Variants in TBC1D14 observed in about 807,000 individuals in gnomAD.
TBC1D14 encodes the protein TBC1 domain family member 14, also known as TBC1 domain family, member 14.
Under a neutral mutation model 79.0 loss-of-function variants are expected in TBC1D14, and 26 were observed. The observed-to-expected ratio is 0.33, with a 90% CI of 0.24 to 0.46. The LOEUF (loss-of-function observed/expected upper bound fraction) is 0.46. TBC1D14 is among the 20% of genes least tolerant of loss of function. The pLI is 1.00. For missense variants in TBC1D14, 769 were observed against 887.6 expected (o/e 0.87, Z 1.70); for synonymous variants, 394 against 349.9 (o/e 1.13, Z -1.40).
intron 2 of TBC1D14, among the ~76,000 whole-genome samples, chr4:6,949,573 C>T (rs1440419413): frequency 6.6e-6 from 1 of 151,400 alleles, no homozygotes; most frequent in Non-Finnish European, 1.5e-5. Context: ...ATCCCAGCTA[C>T]TTGGGAGACT....
intron 2 of TBC1D14, among the ~76,000 whole-genome samples, chr4:6,949,423 C>T (rs1251086348): frequency 6.6e-6 from 1 of 152,198 alleles, no homozygotes; most frequent in African/African-American, 2.4e-5. Flanking sequence ...TGGCTCACGC[C>T]TATAATCCCA....
intron 2 of TBC1D14, among the ~76,000 whole-genome samples, chr4:6,964,837 A>G (rs1715559169): frequency 6.6e-6 from 1 of 152,210 alleles, no homozygotes; most frequent in Non-Finnish European, 1.5e-5. Flanking sequence ...TAAAATTTCA[A>G]ATTTACTAAA....
chr4:6,984,105 C>G (rs1410852529), intron 3 of TBC1D14, among the ~76,000 whole-genome samples: 4 of 146,948 alleles, frequency 2.7e-5, no homozygotes, highest in African/African-American at 9.9e-5. Context: ...GGGTCTCAGG[C>G]CTGTGAACAT....
At chr4:7,000,997 G>A in intron 6 of TBC1D14, 148 bp from the exon 7 acceptor site, 1 of 645,894 alleles carries the variant, frequency 1.5e-6, no homozygotes, top group East Asian at 2.8e-5. Flanking sequence ...GATCTTTACA[G>A]AGCCCTGGAC....
At position 7,014,459 on chromosome 4, in the gene TBC1D14, T is replaced by C. The variant is rs1721088711; in HGVS notation, c.1659T>C (p.Tyr553=). 1.9e-6 allele frequency: 3 copies of C among 1,612,764 alleles called. No homozygotes were observed. Among genetic ancestry groups the C allele is most frequent in the South Asian group, 1.1e-5 (1 of 90,998 alleles). ...FRVDHGLMLT[Y]FAAFEVFFEE... is the part of the protein sequence containing the mutation. ...TATTATCTCCCTAGATGTTGACTTA[T>C]TTTGCTGCATTTGAAGTATTCTTTG... Residue 553 remains tyrosine (Y), a synonymous_variant, in exon 12 of 14, where the codon TAT becomes TAC. Coordinates refer to ENST00000409757, the MANE Select transcript of TBC1D14 (RefSeq NM_020773.3).
intron 2 of TBC1D14, among the ~76,000 whole-genome samples, chr4:6,936,189 G>A (rs1712310199): frequency 6.6e-6 from 1 of 152,130 alleles, no homozygotes; most frequent in Non-Finnish European, 1.5e-5. Context: ...TCTACATCAG[G>A]GGCCACCCTG....
chr4:6,969,469 G>C (rs1043913168), intron 3 of TBC1D14, among the ~76,000 whole-genome samples: 2 of 151,898 alleles, frequency 1.3e-5, no homozygotes, highest in African/African-American at 4.8e-5. Context: ...GCAGTGGTGC[G>C]ATCTTGGCTC....
chr4:6,920,988 C>T (rs1445773213), intron 1 of TBC1D14, among the ~76,000 whole-genome samples: 1 of 152,218 alleles, frequency 6.6e-6, no homozygotes, highest in African/African-American at 2.4e-5. Context: ...CCATGTTGGC[C>T]AGGCTGGTCT....
chr4:6,934,522 G>A (rs944437213), intron 2 of TBC1D14, among the ~76,000 whole-genome samples: 7 of 152,092 alleles, frequency 4.6e-5, no homozygotes, highest in Non-Finnish European at 8.8e-5. Context: ...ATCTGGTGTG[G>A]TGGCGGGTGC....
intron 3 of TBC1D14, among the ~76,000 whole-genome samples, chr4:6,970,145 C>G (rs1164305174): frequency 1.3e-5 from 2 of 152,170 alleles, no homozygotes; most frequent in Non-Finnish European, 2.9e-5. Context: ...AGGGCCGAAG[C>G]CTAGAGAAAG....
intron 2 of TBC1D14, among the ~76,000 whole-genome samples, chr4:6,946,886 C>CT (rs945817528): frequency 6.6e-5 from 10 of 152,316 alleles, no homozygotes; most frequent in African/African-American, 2.4e-4. Flanking sequence ...CATTCCTTCC[C>CT]TGAAATGCAA....
chr4:7,016,602 G>C (rs980031093), intron 12 of TBC1D14, among the ~76,000 whole-genome samples: 4 of 152,196 alleles, frequency 2.6e-5, no homozygotes, highest in African/African-American at 9.7e-5. Context: ...CTTGCAAAAG[G>C]AAATGTGTTT....
intron 9 of TBC1D14, 65 bp from the exon 10 acceptor site, chr4:7,009,812 A>G: frequency 6.6e-7 from 1 of 1,504,060 alleles, no homozygotes; most frequent in Non-Finnish European, 9.3e-7. Context: ...TAGTAGTATC[A>G]GATGTTCGTC....
intron 1 of TBC1D14, among the ~76,000 whole-genome samples, chr4:6,913,310 A>T (rs539033443): frequency 1.1e-4 from 16 of 152,312 alleles, no homozygotes; most frequent in Middle Eastern, 3.4e-3. Flanking sequence ...TATTTTTAAA[A>T]CTTCATTTGC....
intron 6 of TBC1D14, 83 bp downstream of exon 6, chr4:6,999,285 A>G (rs544797336): frequency 8.2e-7 from 1 of 1,213,816 alleles, no homozygotes; most frequent in Non-Finnish European, 1.2e-6. Flanking sequence ...CGTCATAGCC[A>G]GCAGTGACAC....
chr4:6,984,341 T>C (rs1239735931), intron 3 of TBC1D14, among the ~76,000 whole-genome samples: 1 of 152,118 alleles, frequency 6.6e-6, no homozygotes, highest in African/African-American at 2.4e-5. Context: ...TGGCATCCCA[T>C]GGGAGCTTCG....
chr4:7,005,425 C>G (rs1720084120), intron 8 of TBC1D14, among the ~76,000 whole-genome samples: 2 of 152,300 alleles, frequency 1.3e-5, no homozygotes, highest in Admixed American at 6.5e-5. Flanking sequence ...ATCCTAGCTA[C>G]TCGGGAGGCC....
chr4:6,930,536 G>T (rs1325087549), intron 2 of TBC1D14, among the ~76,000 whole-genome samples: 5 of 152,220 alleles, frequency 3.3e-5, no homozygotes, highest in African/African-American at 1.2e-4. Flanking sequence ...AGTGGCTCAC[G>T]CCTGTAATCC....
chr4:6,998,332 C>T (rs1019104263), intron 5 of TBC1D14, among the ~76,000 whole-genome samples: 2 of 151,184 alleles, frequency 1.3e-5, no homozygotes, highest in African/African-American at 4.9e-5. Context: ...TGCACCCCAC[C>T]CTGGGTGACA....
Sources: allele counts gnomAD v4.1 joint callset (sites outside exome capture counted in the v4.1 genomes callset), GRCh38; gene constraint gnomAD v4.1.1; transcripts MANE v1.5; gene names NCBI Gene and HGNC (gene_info 2026-07-23, HGNC 2026-07-21).